Variants in NHSL1 observed in about 807,000 individuals in gnomAD.
NHSL1 encodes NHS like 1, also known as NHS-like protein 1.
In NHSL1, 48 loss-of-function variants were observed where a neutral mutation model predicts 95.0. That is an observed-to-expected ratio of 0.51 (90% CI 0.40 to 0.64). The LOEUF is 0.64. Ranked by LOEUF, NHSL1 falls within the 30% of genes least tolerant of loss-of-function variation. The pLI is 0.00. For synonymous variants in NHSL1, 783 were observed against 833.9 expected, an observed-to-expected ratio of 0.94 and a Z score of 1.05; for missense variants, 1,971 against 2,077.7, an observed-to-expected ratio of 0.95 and a Z score of 1.00.
chr6:138,473,325 T>C lies in NHSL1; in HGVS notation c.320A>G (p.Asp107Gly). Residue 107 changes from aspartate to glycine, a missense_variant, in exon 3 of 8, where the codon GAT becomes GGT. Physicochemically the swap from Asp to Gly is moderately conservative, Grantham distance 94. This residue lies in a region of NHSL1 where 1,602 missense variants were observed against 1,654.5 expected (regional missense o/e 0.97). Transcript: ENST00000343505. ...GCTTACCTTTTGATCTGTTTCTTCA[T>C]CTTCATCTTGGTAATCATCACAGAA... The part of the protein sequence containing the change: ...SPFCDDYQDE[D>G]EETDQKCSLS... 2 of 1,546,312 alleles carry C rather than the reference T, an allele frequency of 1.3e-6. No individual in the cohort carries two copies. The highest frequency in any genetic ancestry group is 8.7e-7 in the Non-Finnish European group (1 of 1,145,024).
In NHSL1 at chr6:138,430,429, C is replaced by T. The variant is rs112237262; in HGVS notation, c.3916G>A (p.Asp1306Asn). 3.4e-4 allele frequency: 516 copies of T among 1,501,892 alleles called. 5 individuals are homozygous for T. In the African/African-American group the frequency reaches 5.9e-3, roughly 17 times the overall value. 93.0% of individuals were successfully genotyped at this position (1,501,892 alleles called of 1,614,324 possible). A position where few individuals can be genotyped will look rare whatever the true frequency, so the allele number is the denominator to read the frequency against. The part of the protein sequence containing the change: ...PAENSADTGG[D>N]GESCLSQQDG... ...TGTTGAGATAGGCAGCTCTCCCCAT[C>T]GCCCCCAGTATCCGCACTGTTCTCG... Residue 1306 changes from aspartate to asparagine, a missense_variant, in exon 6 of 8, where the codon GAT becomes AAT. Asp to Asn is a conservative substitution (Grantham distance 23, BLOSUM62 1). This residue lies in a region of NHSL1 where 146 missense variants were observed against 206.3 expected (regional missense o/e 0.71). Transcript: ENST00000343505. This position sits in a 1 kb window ranked among gnomAD's most constrained non-coding sequence, Gnocchi z 4.7.
intron 1 of NHSL1, among the ~76,000 whole-genome samples, chr6:138,555,715 T>C (rs2128336437): frequency 6.6e-6 from 1 of 152,352 alleles, no homozygotes; most frequent in South Asian, 2.1e-4. Context: ...TAGAAAACTT[T>C]CTGTGTGATA....
intron 1 of NHSL1, among the ~76,000 whole-genome samples, chr6:138,629,084 T>C (rs1303818681): frequency 1.3e-5 from 2 of 152,238 alleles, no homozygotes; most frequent in Non-Finnish European, 2.9e-5. Flanking sequence ...CTTCCATAGT[T>C]GCAACCTCAA....
chr6:138,657,881 T>C (rs1051359073), intron 1 of NHSL1, among the ~76,000 whole-genome samples: 1 of 147,084 alleles, frequency 6.8e-6, no homozygotes. Flanking sequence ...AGAAAACAAC[T>C]GCCAAAAAAA....
chr6:138,526,670 T>C (rs1159332885), intron 1 of NHSL1, among the ~76,000 whole-genome samples: 1 of 152,222 alleles, frequency 6.6e-6, no homozygotes, highest in East Asian at 1.9e-4. Flanking sequence ...TCTTTATACT[T>C]TACCTCGAGT....
chr6:138,665,026 T>C lies in NHSL1; in HGVS notation c.96+27450A>G, dbSNP rs370698989. Among the ~76,000 whole-genome samples the C allele has an allele frequency of 6.6e-5, 10 of 152,352 alleles. No individual in the cohort carries two copies. The East Asian group carries it at 1.9e-3, about 29-fold the overall frequency. On this transcript the variant is annotated intron_variant, in intron 1 of 3. Coordinates refer to the NHSL1 transcript ENST00000491526. ...GACCAAACATCTGGGCGCTATAGCC[T>C]AGCAAGTAGACACATCATATTAACC...
Position 138,432,079 on chromosome 6 carries a change from C to T in NHSL1, c.2266G>A (p.Val756Ile), listed in dbSNP as rs1775722183. Residue 756 changes from valine to isoleucine, a missense_variant, in exon 6 of 8, where the codon GTC (valine) becomes ATC (isoleucine). Val to Ile is a conservative substitution (Grantham distance 29, BLOSUM62 3). Around this residue, in one of 3 missense-constraint regions of NHSL1, gnomAD observed 1,602 missense variants for 1,654.5 expected, o/e 0.97. Transcript: ENST00000343505. This position sits in a 1 kb window ranked among gnomAD's most constrained non-coding sequence, Gnocchi z 4.4. ...GGCGTGGCCCCGCACAGGGAGTAGA[C>T]ATTGGGGGTGGTGGCGGAAGTCATG... ...SSMTSATTPN[V>I]YSLCGATPSQ... 2 of 1,551,542 alleles carry T rather than the reference C, an allele frequency of 1.3e-6. No individual in the cohort carries two copies. Among genetic ancestry groups the T allele is most frequent in the African/African-American group, 1.4e-5 (1 of 73,042 alleles).
At chr6:138,463,000 G>C (rs1778097183) in intron 3 of NHSL1, among the ~76,000 whole-genome samples, 1 of 152,162 alleles carries the variant, frequency 6.6e-6, no homozygotes. Flanking sequence ...AATAATTTTT[G>C]TAATGAGATT....
intron 1 of NHSL1, among the ~76,000 whole-genome samples, chr6:138,656,794 A>T (rs553426153): frequency 5.6e-4 from 85 of 152,330 alleles, no homozygotes; most frequent in African/African-American, 2.0e-3. Context: ...GATCCAAAAA[A>T]GCGTTCAGCT....
At chr6:138,650,151 G>A (rs960459061) in intron 1 of NHSL1, 10 of 547,174 alleles carry the variant, frequency 1.8e-5, no homozygotes, top group Admixed American at 2.2e-5. Flanking sequence ...CATCTTGCAG[G>A]TATCCCGAGA....
At position 138,670,609 on chromosome 6, in the gene NHSL1, T is replaced by A. The variant is rs545758549; in HGVS notation, c.96+21867A>T. Among the ~76,000 whole-genome samples the A allele has an allele frequency of 6.2e-5, 8 of 128,902 alleles. No homozygotes were observed. In the East Asian group the frequency reaches 1.8e-3, roughly 29 times the overall value. The allele number at this position is 128,902 out of a possible 152,430, so 84.6% of individuals were successfully genotyped here. On this transcript the variant is annotated intron_variant, in intron 1 of 3. Coordinates refer to the NHSL1 transcript ENST00000491526. ...TGAACCCGGGAGGCGGAGCTTGCAG[T>A]GAGCCGAGATCCCGCCACTGCACTC... is the stretch of plus-strand genomic sequence containing the variant.
chr6:138,444,425 C>A (rs934763957), intron 4 of NHSL1, among the ~76,000 whole-genome samples: 1 of 152,086 alleles, frequency 6.6e-6, no homozygotes, highest in Non-Finnish European at 1.5e-5. Flanking sequence ...TTTATATGTA[C>A]ATATTAAGTA....
chr6:138,505,121 TC>T (rs1780892837), intron 1 of NHSL1, among the ~76,000 whole-genome samples: 1 of 152,014 alleles, frequency 6.6e-6, no homozygotes, highest in Admixed American at 6.6e-5. Flanking sequence ...GCCTTGCCCA[TC>T]CCCGCCCCCA....
At chr6:138,502,142 A>G (rs1780717107), upstream of NHSL1, among the ~76,000 whole-genome samples, 1 of 152,176 alleles carries the variant, frequency 6.6e-6, no homozygotes, top group Admixed American at 6.5e-5. Context: ...ATTATTCCAC[A>G]CTGCCACATA....
intron 1 of NHSL1, among the ~76,000 whole-genome samples, chr6:138,641,427 A>T (rs970489340): frequency 1.3e-5 from 2 of 152,188 alleles, no homozygotes; most frequent in Non-Finnish European, 2.9e-5. Flanking sequence ...CAAGGAATGC[A>T]TGTGAAACGT....
intron 1 of NHSL1, among the ~76,000 whole-genome samples, chr6:138,622,488 AAAAG>A (rs1324776318): frequency 1.3e-5 from 2 of 152,288 alleles, no homozygotes; most frequent in East Asian, 3.9e-4. Context: ...TCTGTCTCAA[AAAAG>A]AAAGAAAAAA....
chr6:138,624,052 A>G lies in NHSL1; in HGVS notation c.96+68424T>C, dbSNP rs535080537. 5.3e-5 allele frequency among the ~76,000 whole-genome samples: 8 copies of G among 152,272 alleles called. No individual in the cohort carries two copies. The South Asian group carries it at 1.2e-3, about 24-fold the overall frequency. ...TGAGTCAGTTAAGCCTCTTTCCTTTATAAATTACCTAGTCTCGGGTATTTC... is the reference window on the plus strand; with the variant it reads ...TGAGTCAGTTAAGCCTCTTTCCTTTGTAAATTACCTAGTCTCGGGTATTTC... On this transcript the variant is annotated intron_variant, in intron 1 of 3. Coordinates refer to the NHSL1 transcript ENST00000491526.
At chr6:138,639,319 A>G (rs1306921847) in intron 1 of NHSL1, among the ~76,000 whole-genome samples, 2 of 152,046 alleles carry the variant, frequency 1.3e-5, no homozygotes, top group African/African-American at 4.8e-5. Flanking sequence ...CCCTATAACA[A>G]CTTTTATTCA....
rs185864231 is a variant in NHSL1 at position 138,445,640 on chromosome 6, A to G, written c.532+1361T>C. Among the ~76,000 whole-genome samples the G allele has an allele frequency of 4.4e-3, 675 of 152,302 alleles. 4 individuals carry two copies. Among genetic ancestry groups the G allele is most frequent in the Non-Finnish European group, 7.9e-3 (538 of 68,018 alleles). Reference sequence around the variant, plus strand: ...TAAATGTAATTTCTAAATATCTGGTAAGGTTTTAAAAAAAATCTTCGGTGA... The same window carrying G: ...TAAATGTAATTTCTAAATATCTGGTGAGGTTTTAAAAAAAATCTTCGGTGA... On this transcript the variant is annotated intron_variant, in intron 4 of 7. Coordinates refer to ENST00000343505, the MANE Select transcript of NHSL1 (RefSeq NM_001144060.2).
Sources: allele counts gnomAD v4.1 joint callset (sites outside exome capture counted in the v4.1 genomes callset), GRCh38; gene constraint gnomAD v4.1.1; regional missense constraint gnomAD v4.1.1; non-coding constraint Gnocchi (gnomAD v3.1); transcripts MANE v1.5; gene names NCBI Gene and HGNC (gene_info 2026-07-23, HGNC 2026-07-21).